Variants in IQCM observed in about 807,000 individuals in gnomAD.
IQCM encodes the protein IQ motif containing M, also known as IQ domain-containing protein M.
A neutral mutation model predicts 57.6 loss-of-function variants in IQCM; 45 were observed. That is an observed-to-expected ratio of 0.78 (90% CI 0.62 to 1.00). IQCM has a LOEUF of 1.00. Ranked by LOEUF, IQCM falls within the 50% of genes least tolerant of loss-of-function variation. IQCM has a pLI of 0.00. For missense variants in IQCM, 468 were observed against 511.6 expected (o/e 0.91, Z 0.82); for synonymous variants, 148 against 158.9 (o/e 0.93, Z 0.51).
intron 12 of IQCM, among the ~76,000 whole-genome samples, chr4:149,534,148 G>A (rs1370105374): frequency 6.6e-6 from 1 of 151,904 alleles, no homozygotes; most frequent in African/African-American, 2.4e-5. Flanking sequence ...CAACTTATTT[G>A]GCACTCACTT....
chr4:149,392,111 C>T (rs1731898050), intron 13 of IQCM, among the ~76,000 whole-genome samples: 1 of 121,138 alleles, frequency 8.3e-6, no homozygotes, highest in Non-Finnish European at 1.7e-5. Flanking sequence ...CTATTTCTCC[C>T]TTCAATTTTG....
intron 12 of IQCM, among the ~76,000 whole-genome samples, chr4:149,437,697 T>A (rs1403911531): frequency 6.6e-6 from 1 of 152,022 alleles, no homozygotes; most frequent in Admixed American, 6.6e-5. Context: ...ATTTTAAAAA[T>A]AAATAAATAA....
intron 13 of IQCM, among the ~76,000 whole-genome samples, chr4:149,359,269 T>C (rs1194777455): frequency 6.6e-6 from 1 of 152,188 alleles, no homozygotes; most frequent in Non-Finnish European, 1.5e-5. Context: ...TGTGTTACAA[T>C]GTATTTTTCA....
chr4:149,711,603 A>C (rs925627054), intron 5 of IQCM, among the ~76,000 whole-genome samples: 1 of 152,350 alleles, frequency 6.6e-6, no homozygotes, highest in South Asian at 2.1e-4. Context: ...TCAATAAAGC[A>C]GTGGAAGCAT....
chr4:149,352,656 G>A (rs902348723), intron 13 of IQCM, among the ~76,000 whole-genome samples: 29 of 152,206 alleles, frequency 1.9e-4, no homozygotes, highest in African/African-American at 4.8e-4. Flanking sequence ...AGGGAAAATC[G>A]TATTTGAAAT....
chr4:149,384,208 T>C (rs568581749), intron 13 of IQCM, among the ~76,000 whole-genome samples: 2 of 152,166 alleles, frequency 1.3e-5, no homozygotes, highest in South Asian at 4.1e-4. Flanking sequence ...CTGAAAGGGA[T>C]CAGAAGAGGC....
intron 2 of IQCM, among the ~76,000 whole-genome samples, chr4:149,746,398 T>C (rs1253427604): frequency 2.0e-5 from 3 of 152,174 alleles, no homozygotes; most frequent in Admixed American, 6.5e-5. Context: ...CCACAATCAT[T>C]TCATTCTGGG....
chr4:149,669,976 A>T (rs1469133369), intron 7 of IQCM, among the ~76,000 whole-genome samples: 1 of 152,172 alleles, frequency 6.6e-6, no homozygotes, highest in Non-Finnish European at 1.5e-5. Flanking sequence ...TTTTGGTTGC[A>T]TATGAACTTT....
intron 5 of IQCM, among the ~76,000 whole-genome samples, chr4:149,702,964 T>A (rs1580059721): frequency 6.6e-6 from 1 of 151,852 alleles, no homozygotes; most frequent in East Asian, 1.9e-4. Flanking sequence ...TGACAAGAAA[T>A]CAGAGTAATT....
chr4:149,371,043 C>A (rs1330945363), intron 13 of IQCM, among the ~76,000 whole-genome samples: 1 of 152,086 alleles, frequency 6.6e-6, no homozygotes, highest in African/African-American at 2.4e-5. Context: ...GAATTTCCTT[C>A]TTTTAGACTT....
At chr4:149,398,810 G>T (rs2111119187) in intron 13 of IQCM, among the ~76,000 whole-genome samples, 1 of 152,148 alleles carries the variant, frequency 6.6e-6, no homozygotes, top group South Asian at 2.1e-4. Flanking sequence ...GGGCTCAAGT[G>T]ATCCTCCTGA....
chr4:149,412,113 C>T (rs116616732), intron 13 of IQCM, among the ~76,000 whole-genome samples: 5,551 of 150,446 alleles, frequency 0.037, 123 homozygotes, highest in Non-Finnish European at 0.058. Flanking sequence ...TTCAGTCTTC[C>T]CACACTTGCT....
rs1398070794 is a variant in IQCM at position 149,368,334 on chromosome 4, A to C, written c.1391-16268T>G. ...AGAAGTATTGATGTTATAAACTATG[A>C]GAATAGAATTATTAATATGGTATCA... On this transcript the variant is annotated intron_variant, in intron 13 of 13. Coordinates refer to ENST00000636793, the MANE Select transcript of IQCM (RefSeq NM_001363507.2). 2.0e-5 allele frequency among the ~76,000 whole-genome samples: 3 copies of C among 152,026 alleles called. No individual in the cohort carries two copies. The East Asian group carries it at 5.8e-4, about 29-fold the overall frequency.
chr4:149,578,096 A>T (rs973787036), intron 9 of IQCM, among the ~76,000 whole-genome samples: 5 of 151,748 alleles, frequency 3.3e-5, no homozygotes, highest in African/African-American at 1.2e-4. Context: ...GCTGAAGTTT[A>T]TCAGATCACG....
intron 13 of IQCM, among the ~76,000 whole-genome samples, chr4:149,369,944 G>T (rs1319028948): frequency 2.0e-5 from 3 of 152,122 alleles, no homozygotes; most frequent in Non-Finnish European, 1.5e-5. Flanking sequence ...CACTCAGGTT[G>T]GAGTGCAGTG....
intron 12 of IQCM, among the ~76,000 whole-genome samples, chr4:149,446,760 A>C (rs1736555428): frequency 6.6e-6 from 1 of 151,616 alleles, no homozygotes. Context: ...TTCATTAAAA[A>C]TTTCAGGGCA....
chr4:149,608,923 T>A (rs944564149), intron 8 of IQCM, among the ~76,000 whole-genome samples: 2 of 150,568 alleles, frequency 1.3e-5, no homozygotes, highest in Non-Finnish European at 3.0e-5. Flanking sequence ...ATAAATGAAA[T>A]GAAAACAACA....
intron 2 of IQCM, among the ~76,000 whole-genome samples, chr4:149,771,932 A>T (rs1316589341): frequency 1.3e-5 from 2 of 152,122 alleles, no homozygotes; most frequent in African/African-American, 4.8e-5. Flanking sequence ...TAGTAGGATG[A>T]CCCTATGTCC....
intron 7 of IQCM, among the ~76,000 whole-genome samples, chr4:149,621,568 A>G (rs1756340324): frequency 1.3e-5 from 2 of 152,166 alleles, no homozygotes; most frequent in South Asian, 4.1e-4. Context: ...AAGGAGGCTT[A>G]AAGGAAAATC....
Sources: gnomAD v4.1 joint callset for allele counts (sites outside exome capture counted in the v4.1 genomes callset) on GRCh38, gnomAD v4.1.1 for gene constraint, MANE v1.5 for transcripts, NCBI Gene and HGNC (gene_info 2026-07-23, HGNC 2026-07-21) for gene names.